The following NSMAF variants were observed in gnomAD, a reference collection of about 807,000 sequenced individuals.
The protein encoded by NSMAF is protein FAN.
A neutral mutation model predicts 134.9 loss-of-function variants in NSMAF; 90 were observed. The observed-to-expected ratio is 0.67, with a 90% CI of 0.56 to 0.79. The LOEUF (loss-of-function observed/expected upper bound fraction) is 0.79. Among genes scored for constraint, NSMAF ranks in the 30% least tolerant of loss-of-function variants. The pLI, the probability that NSMAF is intolerant of heterozygous loss-of-function variation, is 0.00. For missense variants in NSMAF, 1,010 were observed against 1,119.0 expected (o/e 0.90, Z 1.39); for synonymous variants, 358 against 389.6 (o/e 0.92, Z 0.96).
At chr8:58,659,239 G>A (rs756428769) in intron 1 of NSMAF, 277 of 1,499,632 alleles carry the variant, frequency 1.8e-4, no homozygotes, top group Non-Finnish European at 2.4e-4. Flanking sequence ...ATCCACGCCC[G>A]GACCCCGCGC....
intron 1 of NSMAF, among the ~76,000 whole-genome samples, chr8:58,646,640 CTTTAAAA>C (rs1199534385): frequency 2.0e-5 from 3 of 151,982 alleles, no homozygotes; most frequent in Non-Finnish European, 4.4e-5. Context: ...GTTATACCCG[CTTTAAAA>C]TTTTTCTATG....
Position 58,659,833 on chromosome 8 carries a change from TG to T in NSMAF, c.-203del, listed in dbSNP as rs1585774049. 7.0e-6 allele frequency: 2 copies of T among 285,878 alleles called. No homozygotes were observed. The highest frequency in any genetic ancestry group is 1.2e-4 in the East Asian group (2 of 16,230). 17.7% of individuals were successfully genotyped at this position (285,878 alleles called of 1,614,324 possible). A position where few individuals can be genotyped will look rare whatever the true frequency, so the allele number is the denominator to read the frequency against. On this transcript the variant is annotated 5_prime_UTR_variant, in exon 1 of 31. Transcript: ENST00000038176. ...CCGCGCTCACCGCAGCATCCTCGCGTGGGGACTCCGGCGGCACCGTGACTCA... is the reference window on the plus strand; with the variant it reads ...CCGCGCTCACCGCAGCATCCTCGCGTGGGACTCCGGCGGCACCGTGACTCA...
intron 21 of NSMAF, among the ~76,000 whole-genome samples, chr8:58,596,293 G>A (rs1177686479): frequency 6.6e-6 from 1 of 152,162 alleles, no homozygotes; most frequent in East Asian, 1.9e-4. Context: ...ATTTCTCCAT[G>A]CTTGAGAGAA....
chr8:58,632,303 C>T (rs374800353), intron 5 of NSMAF, among the ~76,000 whole-genome samples: 1 of 152,154 alleles, frequency 6.6e-6, no homozygotes, highest in East Asian at 1.9e-4. Context: ...TGGCAAAATT[C>T]ATTGCAAGGG....
At chr8:58,627,354 G>A (rs895012386) in intron 6 of NSMAF, among the ~76,000 whole-genome samples, 2 of 152,124 alleles carry the variant, frequency 1.3e-5, no homozygotes, top group African/African-American at 2.4e-5. Context: ...AGTAATGGAA[G>A]TCCTAGCCAC....
chr8:58,633,779 T>C (rs1416021163), intron 5 of NSMAF, among the ~76,000 whole-genome samples: 1 of 152,188 alleles, frequency 6.6e-6, no homozygotes, highest in African/African-American at 2.4e-5. Context: ...CTAGTATATA[T>C]TCAAAAAACC....
At chr8:58,624,874 C>T (rs997612443) in intron 6 of NSMAF, among the ~76,000 whole-genome samples, 4 of 152,178 alleles carry the variant, frequency 2.6e-5, no homozygotes, top group African/African-American at 9.7e-5. Context: ...GTGTTGCTAT[C>T]TATTTCTCCC....
intron 10 of NSMAF, among the ~76,000 whole-genome samples, chr8:58,608,975 T>G (rs1806466293): frequency 6.6e-6 from 1 of 152,212 alleles, no homozygotes; most frequent in African/African-American, 2.4e-5. Context: ...CAACAAATCT[T>G]TACAAGTTTC....
At chr8:58,608,943 A>G (rs1806465687) in intron 10 of NSMAF, among the ~76,000 whole-genome samples, 1 of 152,216 alleles carries the variant, frequency 6.6e-6, no homozygotes, top group African/African-American at 2.4e-5. Context: ...ATCATGCTAA[A>G]AAGTGGCCAG....
chr8:58,657,859 C>T (rs1807754935), intron 1 of NSMAF, among the ~76,000 whole-genome samples: 1 of 152,230 alleles, frequency 6.6e-6, no homozygotes, highest in Non-Finnish European at 1.5e-5. Flanking sequence ...CTAGAGTTCT[C>T]TCTGAACACT....
intron 6 of NSMAF, among the ~76,000 whole-genome samples, chr8:58,629,346 T>TTAC (rs1807006187): frequency 6.6e-6 from 1 of 152,202 alleles, no homozygotes; most frequent in African/African-American, 2.4e-5. Flanking sequence ...TTTAGTTAAG[T>TTAC]TACTACATTC....
At position 58,607,803 on chromosome 8, in the gene NSMAF, C is replaced by T. The variant is rs199548636; in HGVS notation, c.725G>A (p.Arg242His). The T allele has an allele frequency of 9.3e-6, 15 of 1,614,102 alleles. No homozygotes were observed. Among genetic ancestry groups the T allele is most frequent in the African/African-American group, 4.0e-5 (3 of 75,060 alleles). The stretch of plus-strand genomic sequence containing the variant: ...GAGGCCGTGCCTCCTTTTGTAGATG[C>T]GGCGGACATCTTGGAGTGTTATCTG... Reference protein sequence around the residue: ...VVQITLQDVRRIYKRRHGLMP... With the variant: ...VVQITLQDVRHIYKRRHGLMP... The change falls in exon 11 of 31, where the codon CGC becomes CAC. Residue 242 changes from arginine (R) to histidine (H), a missense_variant. By Grantham distance (29) the Arg-to-His change is conservative. Coordinates refer to ENST00000038176, the MANE Select transcript of NSMAF (RefSeq NM_003580.4).
chr8:58,609,605 G>C lies in NSMAF; in HGVS notation c.686C>G (p.Pro229Arg), dbSNP rs764341478. The C allele has an allele frequency of 6.2e-7, 1 of 1,614,072 alleles. No individual in the cohort carries two copies. Among genetic ancestry groups the C allele is most frequent in the East Asian group, 2.2e-5 (1 of 44,882 alleles). Reference protein sequence around the residue: ...NLYFQPLNGYPKPVVQITLQD... With the variant: ...NLYFQPLNGYRKPVVQITLQD... ...CACCTGACCCTGTGGTCTACACACC[G>C]GGTAGCCGTTGAGGGGCTGAAAATA... The change falls in exon 10 of 31, where the codon CCG (proline) becomes CGG (arginine). Residue 229 changes from proline to arginine, a missense_variant and splice_region_variant. By Grantham distance (103) the Pro-to-Arg change is moderately radical. Transcript: ENST00000038176.
At chr8:58,622,048 C>G (rs1806798715) in intron 9 of NSMAF, among the ~76,000 whole-genome samples, 3 of 152,098 alleles carry the variant, frequency 2.0e-5, no homozygotes, top group Admixed American at 2.0e-4. Context: ...TTGCTGGGGC[C>G]TATGTCCAGA....
rs28688734 is a variant in NSMAF at position 58,598,567 on chromosome 8, G to A, written c.1585+665C>T. On this transcript the variant is annotated intron_variant, in intron 19 of 30. Coordinates refer to ENST00000038176, the MANE Select transcript of NSMAF (RefSeq NM_003580.4). ...ACTCTGGGTCTTCCATAGGAATTGAGGCCACTGTTCTATCACACTGTAATA... is the reference window on the plus strand; with the variant it reads ...ACTCTGGGTCTTCCATAGGAATTGAAGCCACTGTTCTATCACACTGTAATA... Among the ~76,000 whole-genome samples, 510 of 151,860 alleles carry A rather than the reference G, an allele frequency of 3.4e-3. 15 individuals are homozygous for A. The East Asian group carries it at 0.08, about 24-fold the overall frequency.
intron 5 of NSMAF, 92 bp downstream of exon 5, chr8:58,635,097 T>C (rs530202808): frequency 2.7e-5 from 26 of 949,108 alleles, no homozygotes; most frequent in East Asian, 1.9e-4. Context: ...TATTCCATGG[T>C]CTTCATCTGA....
intron 9 of NSMAF, 144 bp downstream of exon 9, chr8:58,623,073 TCTC>T: frequency 1.6e-6 from 1 of 644,396 alleles, no homozygotes; most frequent in Non-Finnish European, 2.8e-6. Flanking sequence ...GCTAGAGAGT[TCTC>T]CTGCACTGAG....
At chr8:58,585,317 G>GTTTTTTTTTGT (rs1554572270) in intron 30 of NSMAF, among the ~76,000 whole-genome samples, 11 of 144,330 alleles carry the variant, frequency 7.6e-5, no homozygotes, top group African/African-American at 2.8e-4. Context: ...TTGTTTCTGG[G>GTTTTTTTTTGT]TTTTTTTTTT....
chr8:58,601,542 T>TAAAAAA lies in NSMAF; in HGVS notation c.1126-8_1126-7insTTTTTT. On this transcript the variant is annotated splice_polypyrimidine_tract_variant and splice_region_variant and intron_variant, in intron 14 of 30. Coordinates refer to ENST00000038176, the MANE Select transcript of NSMAF (RefSeq NM_003580.4). ...GCATTTCCTGGTAGCGTGTCTAGAA[T>TAAAAAA]ACAGAAAAAAAAAAAAAATAGAGCT... 7.3e-6 allele frequency: 9 copies of TAAAAAA among 1,236,824 alleles called. No individual in the cohort carries two copies. Among genetic ancestry groups the TAAAAAA allele is most frequent in the South Asian group, 3.7e-5 (2 of 53,848 alleles). The allele number at this position is 1,236,824 out of a possible 1,614,324, so 76.6% of individuals were successfully genotyped here. A position where few individuals can be genotyped will look rare whatever the true frequency, so the allele number is the denominator to read the frequency against.
Sources: allele counts gnomAD v4.1 joint callset (sites outside exome capture counted in the v4.1 genomes callset), GRCh38; gene constraint gnomAD v4.1.1; transcripts MANE v1.5; gene names NCBI Gene and HGNC (gene_info 2026-07-23, HGNC 2026-07-21).